TTLL7: variants seen among roughly 807,000 people sequenced by gnomAD.
TTLL7 encodes tubulin polyglutamylase TTLL7.
TTLL7 carries 53 observed loss-of-function variants against 120.2 expected under a neutral mutation model. The observed-to-expected ratio is 0.44, with a 90% CI of 0.35 to 0.55. The LOEUF (loss-of-function observed/expected upper bound fraction) is 0.55. TTLL7 is among the 20% of genes least tolerant of loss of function. The pLI is 0.00. For missense variants in TTLL7, 803 were observed against 1,054.7 expected (o/e 0.76, Z 3.31); for synonymous variants, 353 against 351.7 (o/e 1.00, Z -0.04).
At chr1:83,948,868 T>C in intron 4 of TTLL7, 173 bp from the exon 5 acceptor site, 2 of 464,492 alleles carry the variant, frequency 4.3e-6, no homozygotes, top group Non-Finnish European at 3.7e-6. Context: ...TTAAAGAGTA[T>C]GGTAATCAGA....
intron 18 of TTLL7, among the ~76,000 whole-genome samples, chr1:83,900,360 T>C (rs925912792): frequency 2.8e-4 from 43 of 152,070 alleles, no homozygotes; most frequent in African/African-American, 1.0e-3. Context: ...GAAAAAATTA[T>C]CCATAAATTT....
intron 20 of TTLL7, among the ~76,000 whole-genome samples, chr1:83,876,627 G>A (rs1336157983): frequency 6.6e-6 from 1 of 151,740 alleles, no homozygotes; most frequent in Non-Finnish European, 1.5e-5. Flanking sequence ...CTGCATAAAG[G>A]TCATATACAT....
At chr1:83,988,462 C>G (rs1652684440) in intron 1 of TTLL7, among the ~76,000 whole-genome samples, 1 of 152,212 alleles carries the variant, frequency 6.6e-6, no homozygotes, top group Non-Finnish European at 1.5e-5. Context: ...AATCTCTGAA[C>G]TGCTTTCCAC....
At chr1:83,886,621 T>C (rs1256157705) in intron 19 of TTLL7, among the ~76,000 whole-genome samples, 1 of 152,036 alleles carries the variant, frequency 6.6e-6, no homozygotes, top group Non-Finnish European at 1.5e-5. Flanking sequence ...GAAAAGCTTT[T>C]ACATGACAAA....
intron 14 of TTLL7, among the ~76,000 whole-genome samples, chr1:83,914,612 G>A (rs1657980090): frequency 6.6e-6 from 1 of 152,014 alleles, no homozygotes; most frequent in Non-Finnish European, 1.5e-5. Flanking sequence ...TTAGAGGCGT[G>A]AGCCACCGTG....
chr1:83,881,904 A>G (rs567254991), intron 20 of TTLL7, among the ~76,000 whole-genome samples: 4,282 of 150,522 alleles, frequency 0.028, 64 homozygotes, highest in Middle Eastern at 0.082. Context: ...AATACTATGC[A>G]GCCATAAAAA....
intron 8 of TTLL7, among the ~76,000 whole-genome samples, chr1:83,937,415 C>T (rs749749371): frequency 3.9e-5 from 6 of 152,094 alleles, no homozygotes; most frequent in Non-Finnish European, 7.4e-5. Context: ...GTTGGCCAGG[C>T]TGGTCTCGAA....
intron 6 of TTLL7, among the ~76,000 whole-genome samples, chr1:83,942,964 C>A (rs1648118132): frequency 6.6e-6 from 1 of 152,180 alleles, no homozygotes; most frequent in African/African-American, 2.4e-5. Flanking sequence ...GCCATCCACT[C>A]CCAGCTCAGC....
At chr1:83,930,510 A>T (rs1659504459) in intron 9 of TTLL7, among the ~76,000 whole-genome samples, 2 of 152,140 alleles carry the variant, frequency 1.3e-5, no homozygotes, top group African/African-American at 2.4e-5. Flanking sequence ...TGAGAAAGGG[A>T]GTTTATTAAT....
At chr1:83,955,187 G>A (rs1272720455) in intron 1 of TTLL7, among the ~76,000 whole-genome samples, 3 of 151,858 alleles carry the variant, frequency 2.0e-5, no homozygotes, top group African/African-American at 7.3e-5. Context: ...CCTCTTTTGG[G>A]CTATCACAGG....
intron 20 of TTLL7, among the ~76,000 whole-genome samples, chr1:83,874,713 T>A (rs1329208481): frequency 6.6e-6 from 1 of 151,946 alleles, no homozygotes; most frequent in East Asian, 1.9e-4. Context: ...TAACTTCAAT[T>A]TTTTGGGGGG....
chr1:83,905,534 T>C (rs948276587), intron 17 of TTLL7, among the ~76,000 whole-genome samples: 11 of 149,812 alleles, frequency 7.3e-5, no homozygotes, highest in African/African-American at 2.4e-4. Context: ...AAAAAAAACA[T>C]ATATTTTATA....
intron 10 of TTLL7, among the ~76,000 whole-genome samples, chr1:83,923,212 T>C (rs1390640044): frequency 7.2e-6 from 1 of 139,812 alleles, no homozygotes; most frequent in Non-Finnish European, 1.6e-5. Context: ...GAATATATTA[T>C]CATACATCCA....
intron 1 of TTLL7, among the ~76,000 whole-genome samples, chr1:83,964,950 C>A (rs927477785): frequency 2.0e-5 from 3 of 152,062 alleles, no homozygotes; most frequent in Admixed American, 1.3e-4. Flanking sequence ...TCCATATATG[C>A]AAGTCTTACT....
In TTLL7 at chr1:83,868,589, G is replaced by A. The variant is rs1039414423; in HGVS notation, c.*1373C>T. 1.3e-5 allele frequency: 2 copies of A among 152,158 alleles called. No individual in the cohort carries two copies. Among genetic ancestry groups the A allele is most frequent in the African/African-American group, 4.8e-5 (2 of 41,430 alleles). 9.4% of individuals were successfully genotyped at this position (152,158 alleles called of 1,614,324 possible). ...TATTCACAATCCTTTAACTGTTTCT[G>A]TGGTGCAATGAGAAACTACTGTATT... is the stretch of plus-strand genomic sequence containing the variant. On this transcript the variant is annotated 3_prime_UTR_variant, in exon 21 of 21. Coordinates refer to ENST00000260505, the MANE Select transcript of TTLL7 (RefSeq NM_024686.6).
chr1:83,935,955 GATTT>G (rs1482184266), intron 8 of TTLL7, among the ~76,000 whole-genome samples: 2 of 152,094 alleles, frequency 1.3e-5, no homozygotes, highest in Admixed American at 6.6e-5. Context: ...TGAAAAGCTA[GATTT>G]ATTAACTGAT....
In TTLL7 at chr1:83,952,248, T is replaced by C; in HGVS notation, c.-37A>G. On this transcript the variant is annotated 5_prime_UTR_variant, in exon 2 of 21. Transcript: ENST00000260505. ...CTGATTAGCAAGCAGTGTGTGCTGCTGTACCAAGCTCTCAGGAAATCTGGA... is the reference window on the plus strand; with the variant it reads ...CTGATTAGCAAGCAGTGTGTGCTGCCGTACCAAGCTCTCAGGAAATCTGGA... The C allele has an allele frequency of 6.2e-7, 1 of 1,612,466 alleles. No individual in the cohort carries two copies. Among genetic ancestry groups the C allele is most frequent in the Non-Finnish European group, 8.5e-7 (1 of 1,179,232 alleles).
chr1:83,893,274 G>C (rs561222399), intron 18 of TTLL7, among the ~76,000 whole-genome samples: 1 of 152,026 alleles, frequency 6.6e-6, no homozygotes, highest in Non-Finnish European at 1.5e-5. Context: ...TGAAATCCTA[G>C]AGGTCCTAAA....
intron 18 of TTLL7, among the ~76,000 whole-genome samples, chr1:83,892,040 G>T (rs1571076706): frequency 1.3e-5 from 2 of 151,730 alleles, no homozygotes; most frequent in East Asian, 3.9e-4. Context: ...CATTGCCCAG[G>T]CTGGTCTTGA....
Sources: gnomAD v4.1 joint callset for allele counts (sites outside exome capture counted in the v4.1 genomes callset) on GRCh38, gnomAD v4.1.1 for gene constraint, MANE v1.5 for transcripts, NCBI Gene and HGNC (gene_info 2026-07-23, HGNC 2026-07-21) for gene names.